The following TEKT4 variants were observed in gnomAD, a reference collection of about 807,000 sequenced individuals.
TEKT4 encodes the protein tektin 4.
Under a neutral mutation model 46.0 loss-of-function variants are expected in TEKT4, and 46 were observed. The ratio of observed to expected loss-of-function variants is 1.00; its 90% CI spans 0.79 to 1.28. The LOEUF is 1.28. Ranked by LOEUF, TEKT4 falls within the 50% of genes most tolerant of loss-of-function variation. The probability of loss-of-function intolerance (pLI) is 0.00; values close to 1 mark genes in which losing one functional copy is unlikely to be tolerated. For synonymous variants in TEKT4, 325 were observed against 265.8 expected (o/e 1.22, Z -2.17); for missense variants, 790 against 622.9 (o/e 1.27, Z -2.85).
At chr2:94,872,127 C>A (rs1680600735) in intron 1 of TEKT4, 50 bp downstream of exon 1, 7 of 468,906 alleles carry the variant, frequency 1.5e-5, no homozygotes, top group Non-Finnish European at 2.0e-5. Flanking sequence ...AGAGGAGGAG[C>A]CCCCCCCCCC....
At chr2:94,873,381 G>A in intron 1 of TEKT4, 139 bp from the exon 2 acceptor site, 1 of 1,516,788 alleles carries the variant, frequency 6.6e-7, no homozygotes, top group Non-Finnish European at 8.8e-7. Context: ...TGAGAGAGCA[G>A]AACTTACACA....
At position 94,873,555 on chromosome 2, in the gene TEKT4, G is replaced by A; in HGVS notation, c.534G>A (p.Leu178=). 6.2e-7 allele frequency: 1 copy of A among 1,612,896 alleles called. No individual in the cohort carries two copies. Among genetic ancestry groups the A allele is most frequent in the South Asian group, 1.1e-5 (1 of 91,022 alleles). Reference sequence around the variant, plus strand: ...TCATCCGGAACATTCAGGAGCTGCTGAAGAGAACCATCATGCAAGCAGTGA... The same window carrying A: ...TCATCCGGAACATTCAGGAGCTGCTAAAGAGAACCATCATGCAAGCAGTGA... ...AELIRNIQEL[L]KRTIMQAVSQ... The change falls in exon 2 of 6, where the codon CTG becomes CTA. Residue 178 remains leucine (L), a synonymous_variant. Coordinates refer to ENST00000295201, the MANE Select transcript of TEKT4 (RefSeq NM_144705.4).
chr2:94,872,398 C>T (rs1553394924), intron 1 of TEKT4: 9 of 464,398 alleles, frequency 1.9e-5, no homozygotes, highest in Non-Finnish European at 3.5e-5. Flanking sequence ...GGGACAGTTG[C>T]TCCCAAGGTG....
rs112473980 is a variant in TEKT4, at chr2:94,876,814, G to A, written c.*45G>A. 3.0e-4 allele frequency: 461 copies of A among 1,551,902 alleles called. 1 individual carries two copies. The highest frequency in any genetic ancestry group is 2.3e-3 in the Middle Eastern group (14 of 5,996). On this transcript the variant is annotated 3_prime_UTR_variant, in exon 6 of 6. Coordinates refer to ENST00000295201, the MANE Select transcript of TEKT4 (RefSeq NM_144705.4). ...CCCCAGTCCCCCAAATAAACAGCGC[G>A]TTAGCTTTCTGCACAGTGTGTGTGT...
intron 5 of TEKT4, among the ~76,000 whole-genome samples, chr2:94,876,321 C>G (rs112818946): frequency 1.3e-5 from 2 of 152,156 alleles, no homozygotes; most frequent in Non-Finnish European, 2.9e-5. Flanking sequence ...TCCTGTCCTG[C>G]CAGGGTCGAG....
chr2:94,873,072 A>C, intron 1 of TEKT4: 1 of 1,268,880 alleles, frequency 7.9e-7, no homozygotes, highest in East Asian at 5.6e-5. Context: ...ATAAGAAGAA[A>C]CACAGGGTCC....
chr2:94,876,468 T>C lies in TEKT4; in HGVS notation c.1092-85T>C, dbSNP rs559186585. 2.6e-5 allele frequency: 31 copies of C among 1,189,902 alleles called. No individual in the cohort carries two copies. In the African/African-American group the frequency reaches 3.2e-4, roughly 12 times the overall value. 73.7% of individuals were successfully genotyped at this position (1,189,902 alleles called of 1,614,324 possible). ...TCCCAGGACCTCCTGCCAGCTCCCATTGGGAGTTTTGGGTCCCCTACACCC... is the reference window on the plus strand; with the variant it reads ...TCCCAGGACCTCCTGCCAGCTCCCACTGGGAGTTTTGGGTCCCCTACACCC... On this transcript the variant is annotated intron_variant, in intron 5 of 5. Transcript: ENST00000295201.
At position 94,871,804 on chromosome 2, in the gene TEKT4, G is replaced by A; in HGVS notation, c.225G>A (p.Glu75=). 6.2e-7 allele frequency: 1 copy of A among 1,610,634 alleles called. No homozygotes were observed. The part of the protein sequence containing the change: ...QRHESQQLAT[E]TQALAQRTQQ... ...ACGAGAGCCAGCAGCTGGCCACAGAGACCCAGGCGCTGGCGCAGCGCACGC... is the reference window on the plus strand; with the variant it reads ...ACGAGAGCCAGCAGCTGGCCACAGAAACCCAGGCGCTGGCGCAGCGCACGC... Residue 75 remains glutamate (E), a synonymous_variant, in exon 1 of 6, where the codon GAG becomes GAA. Coordinates refer to ENST00000295201, the MANE Select transcript of TEKT4 (RefSeq NM_144705.4).
intron 2 of TEKT4, 66 bp from the exon 3 acceptor site, chr2:94,873,899 G>A: frequency 6.3e-7 from 1 of 1,597,700 alleles, no homozygotes; most frequent in Non-Finnish European, 8.5e-7. Context: ...CCAGCCTGCA[G>A]CACAGAGGGT....
rs111789897 is a variant in TEKT4, at chr2:94,875,011, G to C, written c.936+13G>C. 1 of 1,578,336 alleles carries C rather than the reference G, an allele frequency of 6.3e-7. No individual in the cohort carries two copies. The highest frequency in any genetic ancestry group is 2.3e-5 in the East Asian group (1 of 43,250). On this transcript the variant is annotated intron_variant, in intron 4 of 5. Transcript: ENST00000295201. ...CCACCTGCACAAGGTGGGGCACCCT[G>C]AACCCCGAAGACGGCCCCCTCTCAT...
rs370386064 is a variant in TEKT4 at position 94,874,067 on chromosome 2, C to T, written c.672C>T (p.Thr224=). The change falls in exon 3 of 6, where the codon ACC becomes ACT. Residue 224 remains threonine, a synonymous_variant. Transcript: ENST00000295201. The part of the protein sequence containing the change: ...ETCGRHHSQS[T]EVQAHPYSTT... ...GCGGGCGCCACCACAGCCAGAGCAC[C>T]GAGGTGCAGGCTCATCCGTACTCCA... is the stretch of plus-strand genomic sequence containing the variant. 1.8e-5 allele frequency: 29 copies of T among 1,613,630 alleles called. No individual in the cohort carries two copies. In the African/African-American group the frequency reaches 2.5e-4, roughly 14 times the overall value.
Position 94,873,977 on chromosome 2 carries a change from G to A in TEKT4, c.582G>A (p.Glu194=), listed in dbSNP as rs782546533. The A allele has an allele frequency of 1.2e-6, 2 of 1,613,794 alleles. No individual in the cohort carries two copies. Among genetic ancestry groups the A allele is most frequent in the Non-Finnish European group, 1.7e-6 (2 of 1,179,972 alleles). The part of the protein sequence containing the change: ...QAVSQIRLNR[E]HKETCEMDWS... ...CACCCCGCCCCAGACTGAACCGGGA[G>A]CACAAGGAGACCTGCGAGATGGACT... is the stretch of plus-strand genomic sequence containing the variant. Residue 194 remains glutamate (E), a synonymous_variant, in exon 3 of 6, where the codon GAG becomes GAA. Transcript: ENST00000295201.
intron 3 of TEKT4, 67 bp from the exon 4 acceptor site, chr2:94,874,709 C>T (rs1341826530): frequency 1.1e-5 from 15 of 1,396,314 alleles, no homozygotes; most frequent in African/African-American, 4.3e-5. Flanking sequence ...GGCATGGGGG[C>T]GCAGCAGGGC....
At chr2:94,872,992 G>C (rs1553395136) in intron 1 of TEKT4, 1 of 1,289,474 alleles carries the variant, frequency 7.8e-7, no homozygotes, top group South Asian at 1.2e-5. Flanking sequence ...GTACCCAGTG[G>C]TTGAGGCAAA....
At position 94,875,849 on chromosome 2, in the gene TEKT4, G is replaced by C. The variant is rs530018529; in HGVS notation, c.1091+107G>C. 29 of 1,194,102 alleles carry C rather than the reference G, an allele frequency of 2.4e-5. No individual in the cohort carries two copies. In the East Asian group the frequency reaches 7.1e-4, roughly 29 times the overall value. 74.0% of individuals were successfully genotyped at this position (1,194,102 alleles called of 1,614,324 possible). Reference sequence around the variant, plus strand: ...CCCCGCACACACATCCCCCGCAGGTGCTGAGAGGGGAGGGAGACTTTGGGG... The same window carrying C: ...CCCCGCACACACATCCCCCGCAGGTCCTGAGAGGGGAGGGAGACTTTGGGG... On this transcript the variant is annotated intron_variant, in intron 5 of 5. Transcript: ENST00000295201.
At position 94,872,135 on chromosome 2, in the gene TEKT4, C is replaced by CCG. The variant is rs1553394831; in HGVS notation, c.498+59_498+60insGC. 7 of 1,476,194 alleles carry CCG rather than the reference C, an allele frequency of 4.7e-6. No homozygotes were observed. The African/African-American group carries it at 8.4e-5, about 18-fold the overall frequency. The allele number at this position is 1,476,194 out of a possible 1,614,324, so 91.4% of individuals were successfully genotyped here. A position where few individuals can be genotyped will look rare whatever the true frequency, so the allele number is the denominator to read the frequency against. On this transcript the variant is annotated intron_variant, in intron 1 of 5. Transcript: ENST00000295201. ...GGCGCAGAGAGGAGGAGCCCCCCCC[C>CCG]CCGCAGTTCATGTGGACAAGCCACG... is the stretch of plus-strand genomic sequence containing the variant.
rs575177778 is a variant in TEKT4 at position 94,871,843 on chromosome 2, G to A, written c.264G>A (p.Thr88=). Residue 88 remains threonine (T), a synonymous_variant, in exon 1 of 6, where the codon ACG becomes ACA. Transcript: ENST00000295201. ...CGCAGCGCACGCAGCAAGACTCCAC[G>A]CGCACAGTGGGCGAGCGACTGCAGG... ...ALAQRTQQDS[T]RTVGERLQDT... 13 of 1,606,632 alleles carry A rather than the reference G, an allele frequency of 8.1e-6. No homozygotes were observed. The highest frequency in any genetic ancestry group is 6.7e-5 in the African/African-American group (5 of 74,888).
intron 1 of TEKT4, chr2:94,873,047 T>A: frequency 7.8e-7 from 1 of 1,283,006 alleles, no homozygotes; most frequent in Admixed American, 2.3e-5. Context: ...CACAGCAAAT[T>A]AAACTGGCCA....
chr2:94,872,699 C>T (rs113502626), intron 1 of TEKT4: 2 of 666,052 alleles, frequency 3.0e-6, no homozygotes, highest in Admixed American at 2.8e-5. Flanking sequence ...TGTAGACATT[C>T]GTGAAAGATG....
Sources: gnomAD v4.1 joint callset for allele counts (sites outside exome capture counted in the v4.1 genomes callset) on GRCh38, gnomAD v4.1.1 for gene constraint, MANE v1.5 for transcripts, NCBI Gene and HGNC (gene_info 2026-07-23, HGNC 2026-07-21) for gene names.